The following ARFGAP3 variants were observed in gnomAD, a reference collection of about 807,000 sequenced individuals.
ARFGAP3 encodes ARF GTPase activating protein 3.
In ARFGAP3, 72 loss-of-function variants were observed where a neutral mutation model predicts 75.0. The ratio of observed to expected loss-of-function variants is 0.96; its 90% CI spans 0.79 to 1.17. The LOEUF (loss-of-function observed/expected upper bound fraction) is 1.17, where lower values mean the gene tolerates loss of function less well. ARFGAP3 is among the 50% of genes most tolerant of loss of function. The pLI, the probability that ARFGAP3 is intolerant of heterozygous loss-of-function variation, is 0.00. For synonymous variants in ARFGAP3, 221 were observed against 217.9 expected (o/e 1.01, Z -0.13); for missense variants, 620 against 626.6 (o/e 0.99, Z 0.11).
At chr22:42,828,276 G>A (rs970803659) in intron 6 of ARFGAP3, among the ~76,000 whole-genome samples, 3 of 151,114 alleles carry the variant, frequency 2.0e-5, no homozygotes, top group Non-Finnish European at 4.4e-5. Flanking sequence ...ACAAAGATGA[G>A]GGCCAGGCGC....
chr22:42,799,757 G>A (rs1005364685), intron 14 of ARFGAP3, among the ~76,000 whole-genome samples: 5 of 152,244 alleles, frequency 3.3e-5, no homozygotes, highest in African/African-American at 1.2e-4. Flanking sequence ...CTGTGACTAC[G>A]ACTGCCCCTC....
chr22:42,802,830 T>G (rs2413721), intron 14 of ARFGAP3, among the ~76,000 whole-genome samples: 57,796 of 149,724 alleles, frequency 0.39, 11,678 homozygotes, highest in Non-Finnish European at 0.46. Flanking sequence ...CTCGATCTCC[T>G]GACCCGTGAT....
rs1303581051 is a variant in ARFGAP3 at position 42,810,844 on chromosome 22, T to A, written c.1165A>T (p.Thr389Ser). 1 of 1,614,222 alleles carries A rather than the reference T, an allele frequency of 6.2e-7. No homozygotes were observed. Among genetic ancestry groups the A allele is most frequent in the East Asian group, 2.2e-5 (1 of 44,888 alleles). The change falls in exon 12 of 16, where the codon ACA becomes TCA. Residue 389 changes from threonine (T) to serine (S), a missense_variant. Coordinates refer to ENST00000263245, the MANE Select transcript of ARFGAP3 (RefSeq NM_014570.5). ...GAATAGCCTGTGGTTTTCAGAACTG[T>A]TTCAGTATCTTTGCTGGTCTCTTTT... ...WKKETSKDTE[T>S]VLKTTGYSDR...
intron 13 of ARFGAP3, 55 bp downstream of exon 13, chr22:42,808,712 C>G: frequency 1.4e-6 from 2 of 1,451,762 alleles, no homozygotes; most frequent in Non-Finnish European, 1.9e-6. Flanking sequence ...AATGCCCACA[C>G]CCACACTTCC....
chr22:42,825,666 C>T (rs1411042821), intron 7 of ARFGAP3, among the ~76,000 whole-genome samples: 3 of 139,192 alleles, frequency 2.2e-5, no homozygotes, highest in Admixed American at 7.6e-5. Context: ...GCCTGGGTGA[C>T]AGAGTGAGAC....
At chr22:42,817,002 C>T in intron 11 of ARFGAP3, 140 bp downstream of exon 11, 1 of 571,472 alleles carries the variant, frequency 1.7e-6, no homozygotes, top group South Asian at 2.5e-5. Context: ...CTCCAAAGAA[C>T]AGCTCTGGCT....
At position 42,847,532 on chromosome 22, in the gene ARFGAP3, A is replaced by ACACCAAGTGAC; in HGVS notation, c.159_169dup (p.Val57GlyfsTer7). The ACACCAAGTGAC allele has an allele frequency of 6.2e-7, 1 of 1,613,400 alleles. No homozygotes were observed. The highest frequency in any genetic ancestry group is 1.7e-5 in the Admixed American group (1 of 59,946). Reference sequence around the variant, plus strand: ...CACTTACCGAATAAAACTCAAGTGAACACCAAGTGACCGGTGGGACCCTGA... The same window carrying ACACCAAGTGAC: ...CACTTACCGAATAAAACTCAAGTGAACACCAAGTGACCACCAAGTGACCGGTGGGACCCTGA... On this transcript the variant is annotated frameshift_variant, in exon 2 of 16. Coordinates refer to ENST00000263245, the MANE Select transcript of ARFGAP3 (RefSeq NM_014570.5). LOFTEE classifies it high-confidence loss of function.
chr22:42,812,948 C>T (rs934139868), intron 11 of ARFGAP3, among the ~76,000 whole-genome samples: 9 of 152,200 alleles, frequency 5.9e-5, no homozygotes, highest in Non-Finnish European at 7.3e-5. Context: ...GAGAGATGAC[C>T]GATCCCCTTT....
intron 9 of ARFGAP3, among the ~76,000 whole-genome samples, chr22:42,820,154 G>A (rs551479239): frequency 1.3e-5 from 2 of 152,224 alleles, no homozygotes; most frequent in African/African-American, 4.8e-5. Flanking sequence ...TTTTACACAC[G>A]CTCTGGGAAA....
At chr22:42,807,521 TA>T (rs1044341081) in intron 13 of ARFGAP3, among the ~76,000 whole-genome samples, 4 of 152,200 alleles carry the variant, frequency 2.6e-5, no homozygotes. Flanking sequence ...GACACTATTT[TA>T]AAACTGAACT....
At chr22:42,832,533 CA>C (rs55833497) in intron 5 of ARFGAP3, among the ~76,000 whole-genome samples, 61,673 of 122,354 alleles carry the variant, frequency 0.5, 13,330 homozygotes, top group African/African-American at 0.54. Context: ...GACTCCATCT[CA>C]AAAAAAAAAA....
chr22:42,853,766 G>C (rs982003065), intron 1 of ARFGAP3: 1 of 159,738 alleles, frequency 6.3e-6, no homozygotes, highest in Non-Finnish European at 1.4e-5. Flanking sequence ...ACACATTGCC[G>C]AAAAGGACCA....
At chr22:42,838,665 A>T (rs1335428572) in intron 3 of ARFGAP3, among the ~76,000 whole-genome samples, 1 of 151,960 alleles carries the variant, frequency 6.6e-6, no homozygotes, top group Admixed American at 6.6e-5. Flanking sequence ...CGCCTAAAGG[A>T]ATTCCATTTA....
rs923416404 is a variant in ARFGAP3 at position 42,829,711 on chromosome 22, TTA to T, written c.565+1836_565+1837del. 3.9e-5 allele frequency among the ~76,000 whole-genome samples: 6 copies of T among 152,354 alleles called. 1 individual carries two copies. The highest frequency in any genetic ancestry group is 1.4e-4 in the African/African-American group (6 of 41,590). On this transcript the variant is annotated intron_variant, in intron 6 of 15. Coordinates refer to ENST00000263245, the MANE Select transcript of ARFGAP3 (RefSeq NM_014570.5). ...TTTTCAAAACAGAAATGTTCTATTT[TTA>T]TGTCATCAGATTTATTAACCTTTTC... is the stretch of plus-strand genomic sequence containing the variant.
chr22:42,849,741 G>A (rs1323849854), intron 1 of ARFGAP3, among the ~76,000 whole-genome samples: 1 of 150,522 alleles, frequency 6.6e-6, no homozygotes, highest in Non-Finnish European at 1.5e-5. Context: ...TTTTTCTTTT[G>A]TAGAGATGGG....
At chr22:42,824,780 C>T (rs539619331) in intron 7 of ARFGAP3, among the ~76,000 whole-genome samples, 1 of 152,110 alleles carries the variant, frequency 6.6e-6, no homozygotes. Context: ...TTCTCTTGAT[C>T]CCATCACCCA....
Position 42,826,958 on chromosome 22 carries a change from G to A in ARFGAP3, c.607C>T (p.Pro203Ser). The change falls in exon 7 of 16, where the codon CCA becomes TCA. Residue 203 changes from proline (P) to serine (S), a missense_variant. Physicochemically the swap from Pro to Ser is moderately conservative, Grantham distance 74 (BLOSUM62 -1). Coordinates refer to ENST00000263245, the MANE Select transcript of ARFGAP3 (RefSeq NM_014570.5). ...ATATTACCTAAAGTAGCCTTTGTTG[G>A]TACATTAAGACCTTCCACACTTGGT... ...QGPSVEGLNV[P>S]TKATLEVSSI... is the part of the protein sequence containing the mutation. The A allele has an allele frequency of 6.2e-7, 1 of 1,613,282 alleles. No individual in the cohort carries two copies. The highest frequency in any genetic ancestry group is 1.7e-4 in the Middle Eastern group (1 of 6,058).
chr22:42,847,715 GA>G, intron 1 of ARFGAP3, 83 bp from the exon 2 acceptor site: 1 of 1,507,796 alleles, frequency 6.6e-7, no homozygotes, highest in Non-Finnish European at 8.9e-7. Context: ...GACTTAGCTT[GA>G]AAACTGTTTA....
intron 13 of ARFGAP3, among the ~76,000 whole-genome samples, chr22:42,808,393 G>A (rs1482473112): frequency 1.0e-4 from 14 of 134,872 alleles, no homozygotes; most frequent in East Asian, 2.8e-4. Context: ...AGGAGGCTCC[G>A]TCTCAAAAAA....
Sources: gnomAD v4.1 joint callset for allele counts (sites outside exome capture counted in the v4.1 genomes callset) on GRCh38, gnomAD v4.1.1 for gene constraint, MANE v1.5 for transcripts, NCBI Gene and HGNC (gene_info 2026-07-23, HGNC 2026-07-21) for gene names.